Variants in ENPP1 observed in about 807,000 individuals in gnomAD.
The protein encoded by ENPP1 is ectonucleotide pyrophosphatase/phosphodiesterase family member 1.
A neutral mutation model predicts 122.8 loss-of-function variants in ENPP1; 73 were observed. The observed-to-expected ratio is 0.59, with a 90% CI of 0.49 to 0.72. The LOEUF (loss-of-function observed/expected upper bound fraction) is 0.72. Ranked by LOEUF, ENPP1 falls within the 30% of genes least tolerant of loss-of-function variation. ENPP1 has a pLI of 0.00. For synonymous variants in ENPP1, 367 were observed against 391.6 expected, an observed-to-expected ratio of 0.94 and a Z score of 0.74; for missense variants, 978 against 1,128.1, an observed-to-expected ratio of 0.87 and a Z score of 1.91.
chr6:131,851,143 A>G lies in ENPP1; in HGVS notation c.432A>G (p.Glu144=). ...CATTTTGCTGATGTTTGTTTCTAGA[A>G]CATATATGGACTTGCAACAAATTCA... ...LDYQETCIEP[E]HIWTCNKFRC... Residue 144 remains glutamate, a splice_region_variant and synonymous_variant, in exon 4 of 25, where the codon GAA becomes GAG. Coordinates refer to ENST00000647893, the MANE Select transcript of ENPP1 (RefSeq NM_006208.3). 1 of 1,613,998 alleles carries G rather than the reference A, an allele frequency of 6.2e-7. No individual in the cohort carries two copies.
At chr6:131,870,235 G>A (rs533938714) in intron 13 of ENPP1, among the ~76,000 whole-genome samples, 1 of 152,280 alleles carries the variant, frequency 6.6e-6, no homozygotes, top group South Asian at 2.1e-4. Flanking sequence ...TGGCAGAAAT[G>A]ATTAATTCTA....
intron 1 of ENPP1, among the ~76,000 whole-genome samples, chr6:131,815,291 CTT>C (rs1781400257): frequency 1.3e-5 from 2 of 152,206 alleles, no homozygotes; most frequent in Non-Finnish European, 2.9e-5. Flanking sequence ...GCCTCCTTCA[CTT>C]ACACCAAGGC....
intron 1 of ENPP1, among the ~76,000 whole-genome samples, chr6:131,822,985 A>G (rs1055709956): frequency 2.6e-5 from 4 of 152,218 alleles, no homozygotes; most frequent in Non-Finnish European, 5.9e-5. Context: ...ATATACTCCT[A>G]AGCCGAGACT....
chr6:131,827,203 C>G, intron 1 of ENPP1: 1 of 815,898 alleles, frequency 1.2e-6, no homozygotes, highest in East Asian at 2.5e-5. Flanking sequence ...AGTTTCTCAA[C>G]TGTCCATTCA....
chr6:131,881,075 C>T (rs1782299139), intron 20 of ENPP1, among the ~76,000 whole-genome samples: 1 of 152,050 alleles, frequency 6.6e-6, no homozygotes, highest in Admixed American at 6.6e-5. Flanking sequence ...TGGCAAGGTA[C>T]AGGATGCCCT....
intron 1 of ENPP1, chr6:131,819,939 CTTTTT>C: frequency 4.5e-6 from 2 of 440,840 alleles, no homozygotes; most frequent in Non-Finnish European, 8.5e-6. Flanking sequence ...TCCATAGCTT[CTTTTT>C]TTTTTTTTTC....
intron 1 of ENPP1, chr6:131,828,088 G>C: frequency 1.6e-6 from 1 of 617,484 alleles, no homozygotes; most frequent in Non-Finnish European, 3.1e-6. Flanking sequence ...GCTGTTTCTC[G>C]TAACAGACAG....
chr6:131,878,457 G>C (rs963502825), intron 18 of ENPP1, 85 bp from the exon 19 acceptor site: 2 of 826,926 alleles, frequency 2.4e-6, no homozygotes, highest in African/African-American at 3.4e-5. Context: ...TTCTATGTTG[G>C]AATAATCAAT....
At chr6:131,811,709 C>T (rs1235354707) in intron 1 of ENPP1, among the ~76,000 whole-genome samples, 2 of 152,054 alleles carry the variant, frequency 1.3e-5, no homozygotes, top group African/African-American at 4.8e-5. Flanking sequence ...AAGAATTGCC[C>T]CTGGGAATGG....
intron 1 of ENPP1, among the ~76,000 whole-genome samples, chr6:131,838,095 T>C (rs752678053): frequency 5.3e-5 from 8 of 152,080 alleles, no homozygotes; most frequent in Non-Finnish European, 1.2e-4. Flanking sequence ...GTAGAATAGA[T>C]AAAATAAATA....
Position 131,808,100 on chromosome 6 carries a change from A to G in ENPP1, c.65A>G (p.Glu22Gly), listed in dbSNP as rs1028763301. Reference sequence around the variant, plus strand: ...GGCGAGGGCGGGCGCGCTCCCCGGGAGGGCCCGGCGGGGAACGGCCGCGAT... The same window carrying G: ...GGCGAGGGCGGGCGCGCTCCCCGGGGGGGCCCGGCGGGGAACGGCCGCGAT... Reference protein sequence around the residue: ...RGGEGGRAPREGPAGNGRDRG... With the variant: ...RGGEGGRAPRGGPAGNGRDRG... Residue 22 changes from glutamate to glycine, a missense_variant, in exon 1 of 25, where the codon GAG (glutamate) becomes GGG (glycine). This residue lies in a region of ENPP1 where 330 missense variants were observed against 328.5 expected (regional missense o/e 1.00). Coordinates refer to ENST00000647893, the MANE Select transcript of ENPP1 (RefSeq NM_006208.3). 2 of 1,172,614 alleles carry G rather than the reference A, an allele frequency of 1.7e-6. No homozygotes were observed. Among genetic ancestry groups the G allele is most frequent in the Non-Finnish European group, 2.1e-6 (2 of 948,870 alleles). The allele number at this position is 1,172,614 out of a possible 1,614,324, so 72.6% of individuals were successfully genotyped here. A position where few individuals can be genotyped will look rare whatever the true frequency, so the allele number is the denominator to read the frequency against.
chr6:131,889,486 C>T (rs1352465245), intron 24 of ENPP1, among the ~76,000 whole-genome samples: 4 of 151,606 alleles, frequency 2.6e-5, no homozygotes, highest in Non-Finnish European at 4.4e-5. Context: ...CATGAGGTTT[C>T]GATTTTCTGT....
At chr6:131,882,058 T>TAAATAAA (rs59854617) in intron 20 of ENPP1, among the ~76,000 whole-genome samples, 87 of 151,258 alleles carry the variant, frequency 5.8e-4, no homozygotes, top group African/African-American at 2.0e-3. Context: ...AATAAATAAA[T>TAAATAAA]ATTTAAAATT....
intron 1 of ENPP1, among the ~76,000 whole-genome samples, chr6:131,841,072 A>C (rs1781733736): frequency 6.6e-6 from 1 of 152,234 alleles, no homozygotes; most frequent in Non-Finnish European, 1.5e-5. Flanking sequence ...AATGATACTG[A>C]GTGCATAAGA....
intron 6 of ENPP1, among the ~76,000 whole-genome samples, chr6:131,856,619 T>G (rs1387905115): frequency 7.0e-6 from 1 of 143,878 alleles, no homozygotes; most frequent in Non-Finnish European, 1.5e-5. Flanking sequence ...TTTTATGGTT[T>G]TAGGTCTAAC....
chr6:131,825,140 T>G (rs1781531366), intron 1 of ENPP1, among the ~76,000 whole-genome samples: 1 of 152,226 alleles, frequency 6.6e-6, no homozygotes. Context: ...TCTTTTTTAT[T>G]TTTGTTCTTA....
intron 12 of ENPP1, among the ~76,000 whole-genome samples, chr6:131,868,936 A>G (rs1353623632): frequency 6.6e-6 from 1 of 152,222 alleles, no homozygotes; most frequent in African/African-American, 2.4e-5. Context: ...AGAAATAATT[A>G]TAGAAATCTG....
intron 21 of ENPP1, among the ~76,000 whole-genome samples, 164 bp downstream of exon 21, chr6:131,882,638 A>G (rs1332083712): frequency 7.8e-6 from 1 of 128,794 alleles, no homozygotes; most frequent in African/African-American, 3.3e-5. Flanking sequence ...TATAAAGTAT[A>G]TATATTACTA....
chr6:131,825,896 A>T, intron 1 of ENPP1: 2 of 315,564 alleles, frequency 6.3e-6, no homozygotes, highest in Non-Finnish European at 5.9e-6. Context: ...TTTCATCTTT[A>T]TTAACTTAGA....
Sources: gnomAD v4.1 joint callset for allele counts (sites outside exome capture counted in the v4.1 genomes callset) on GRCh38, gnomAD v4.1.1 for gene constraint, gnomAD v4.1.1 regional missense constraint, MANE v1.5 for transcripts, NCBI Gene and HGNC (gene_info 2026-07-23, HGNC 2026-07-21) for gene names.